Variants in IMMP2L observed in about 807,000 individuals in gnomAD.
IMMP2L encodes mitochondrial inner membrane protease subunit 2.
In IMMP2L, 18 loss-of-function variants were observed where a neutral mutation model predicts 19.3. The observed-to-expected ratio is 0.93, with a 90% CI of 0.64 to 1.38. IMMP2L has a LOEUF of 1.38. Among genes scored for constraint, IMMP2L ranks in the 40% most tolerant of loss-of-function variants. IMMP2L has a pLI of 0.00. For missense variants in IMMP2L, 233 were observed against 218.2 expected, an observed-to-expected ratio of 1.07 and a Z score of -0.43; for synonymous variants, 76 against 73.0, an observed-to-expected ratio of 1.04 and a Z score of -0.21.
At chr7:110,953,908 C>G (rs1281336986) in intron 4 of IMMP2L, among the ~76,000 whole-genome samples, 1 of 152,126 alleles carries the variant, frequency 6.6e-6, no homozygotes, top group East Asian at 1.9e-4. Context: ...TTGCATTTCT[C>G]TGATGACCAG....
intron 3 of IMMP2L, among the ~76,000 whole-genome samples, chr7:111,444,503 A>G (rs1838093807): frequency 6.6e-6 from 1 of 152,174 alleles, no homozygotes; most frequent in South Asian, 2.1e-4. Context: ...TAAAGATTTA[A>G]TATTTATAGT....
At chr7:111,156,760 C>G (rs1319074855) in intron 3 of IMMP2L, among the ~76,000 whole-genome samples, 1 of 151,706 alleles carries the variant, frequency 6.6e-6, no homozygotes, top group African/African-American at 2.4e-5. Context: ...ATACAACTGA[C>G]TTTGTGTGCA....
chr7:111,377,981 A>C (rs1281481084), intron 3 of IMMP2L, among the ~76,000 whole-genome samples: 1 of 152,000 alleles, frequency 6.6e-6, no homozygotes, highest in Admixed American at 6.6e-5. Flanking sequence ...TTTAAAATCA[A>C]GGGGAATACG....
At chr7:111,485,469 G>A (rs775123973) in intron 3 of IMMP2L, among the ~76,000 whole-genome samples, 3 of 151,552 alleles carry the variant, frequency 2.0e-5, no homozygotes, top group African/African-American at 4.8e-5. Context: ...GTGGTGGTGG[G>A]CCCCTGTAGT....
At chr7:111,319,657 G>A (rs1300409331) in intron 3 of IMMP2L, among the ~76,000 whole-genome samples, 1 of 152,004 alleles carries the variant, frequency 6.6e-6, no homozygotes, top group Non-Finnish European at 1.5e-5. Context: ...TTTTAATACA[G>A]AAGGCTATAT....
chr7:110,797,705 T>C (rs777816244), intron 5 of IMMP2L, among the ~76,000 whole-genome samples: 1 of 151,984 alleles, frequency 6.6e-6, no homozygotes, highest in South Asian at 2.1e-4. Context: ...ATGCTATTTA[T>C]TGGTTCCCTG....
chr7:111,267,327 G>A (rs891140210), intron 3 of IMMP2L, among the ~76,000 whole-genome samples: 11 of 151,850 alleles, frequency 7.2e-5, no homozygotes, highest in African/African-American at 2.7e-4. Context: ...CAATTGTAAA[G>A]TCCTTTGAAA....
At chr7:110,706,993 T>TTTC (rs1203502231) in intron 5 of IMMP2L, among the ~76,000 whole-genome samples, 11 of 83,022 alleles carry the variant, frequency 1.3e-4, no homozygotes, top group African/African-American at 5.6e-4. Context: ...ACACTTAAAT[T>TTTC]TTTTTTTTTA....
At chr7:111,473,882 C>T (rs1841487423) in intron 3 of IMMP2L, among the ~76,000 whole-genome samples, 1 of 152,128 alleles carries the variant, frequency 6.6e-6, no homozygotes, top group Non-Finnish European at 1.5e-5. Flanking sequence ...ATGTTCATCA[C>T]AGCACTATGC....
intron 3 of IMMP2L, among the ~76,000 whole-genome samples, chr7:111,400,730 A>G (rs573611847): frequency 6.6e-6 from 1 of 152,212 alleles, no homozygotes; most frequent in South Asian, 2.1e-4. Flanking sequence ...GTTAAAAAGG[A>G]GCTCTCAATC....
At chr7:110,843,838 T>C (rs184189903) in intron 5 of IMMP2L, among the ~76,000 whole-genome samples, 1 of 152,242 alleles carries the variant, frequency 6.6e-6, no homozygotes, top group Non-Finnish European at 1.5e-5. Flanking sequence ...AAGAATATTC[T>C]GGACTAAGGA....
chr7:110,927,124 T>C (rs1814941334), intron 4 of IMMP2L, among the ~76,000 whole-genome samples: 1 of 152,078 alleles, frequency 6.6e-6, no homozygotes, highest in Non-Finnish European at 1.5e-5. Flanking sequence ...CTCCTCCTCC[T>C]ACCCCCACTT....
In IMMP2L at chr7:111,326,079, C is replaced by T. The variant is rs571189000; in HGVS notation, c.239+161159G>A. Among the ~76,000 whole-genome samples, 14 of 151,658 alleles carry T rather than the reference C, an allele frequency of 9.2e-5. 2 individuals are homozygous for T. In the South Asian group the frequency reaches 1.5e-3, roughly 16 times the overall value. Reference sequence around the variant, plus strand: ...TTTATGGTTAGATTTCATAAAATCTCCTAAACCAAACCTGAGTAAATTTCT... The same window carrying T: ...TTTATGGTTAGATTTCATAAAATCTTCTAAACCAAACCTGAGTAAATTTCT... On this transcript the variant is annotated intron_variant, in intron 3 of 5. Coordinates refer to ENST00000405709, the MANE Select transcript of IMMP2L (RefSeq NM_032549.4).
At chr7:111,063,412 G>A (rs1222140761) in intron 3 of IMMP2L, among the ~76,000 whole-genome samples, 2 of 152,142 alleles carry the variant, frequency 1.3e-5, no homozygotes, top group Non-Finnish European at 2.9e-5. Flanking sequence ...CCTGTGATGG[G>A]ACAGGCTGCT....
intron 3 of IMMP2L, among the ~76,000 whole-genome samples, chr7:111,045,230 T>G (rs909674682): frequency 2.6e-5 from 4 of 152,212 alleles, no homozygotes; most frequent in African/African-American, 9.6e-5. Flanking sequence ...AAATCCTTGA[T>G]TTTTTCCATT....
intron 3 of IMMP2L, among the ~76,000 whole-genome samples, chr7:111,086,030 T>C (rs1397925264): frequency 6.6e-6 from 1 of 152,060 alleles, no homozygotes; most frequent in Non-Finnish European, 1.5e-5. Flanking sequence ...AGGGTTAATA[T>C]GTGAGTGATG....
intron 5 of IMMP2L, among the ~76,000 whole-genome samples, chr7:110,847,930 T>G (rs970558687): frequency 1.8e-4 from 27 of 152,048 alleles, no homozygotes; most frequent in Non-Finnish European, 3.8e-4. Flanking sequence ...ATCATAGACC[T>G]AAATGTAAAA....
intron 3 of IMMP2L, among the ~76,000 whole-genome samples, chr7:111,236,797 G>A (rs1371546522): frequency 6.6e-6 from 1 of 152,048 alleles, no homozygotes; most frequent in African/African-American, 2.4e-5. Flanking sequence ...AACCTCTCAA[G>A]GCAATCAGCT....
rs147913423 is a variant in IMMP2L at position 110,794,156 on chromosome 7, C to T, written c.408+92437G>A. 6.6e-5 allele frequency among the ~76,000 whole-genome samples: 10 copies of T among 152,188 alleles called. No homozygotes were observed. The East Asian group carries it at 9.7e-4, about 15-fold the overall frequency. On this transcript the variant is annotated intron_variant, in intron 5 of 5. Coordinates refer to ENST00000405709, the MANE Select transcript of IMMP2L (RefSeq NM_032549.4). ...AGCAATGGTGCTCCTTGGTATCTAACGAAATGAACTGAAAACTTATGTCCA... is the reference window on the plus strand; with the variant it reads ...AGCAATGGTGCTCCTTGGTATCTAATGAAATGAACTGAAAACTTATGTCCA...
Sources: allele counts gnomAD v4.1 joint callset (sites outside exome capture counted in the v4.1 genomes callset), GRCh38; gene constraint gnomAD v4.1.1; transcripts MANE v1.5; gene names NCBI Gene and HGNC (gene_info 2026-07-23, HGNC 2026-07-21).